Variants in TNS3 observed in about 807,000 individuals in gnomAD.
The protein encoded by TNS3 is tensin 3, also known as tensin-3.
TNS3 carries 45 observed loss-of-function variants against 140.9 expected under a neutral mutation model. The ratio of observed to expected loss-of-function variants is 0.32; its 90% CI spans 0.25 to 0.41. The LOEUF is 0.41. Ranked by LOEUF, TNS3 falls within the 10% of genes least tolerant of loss-of-function variation. TNS3 has a pLI of 1.00. For synonymous variants in TNS3, 815 were observed against 788.4 expected (o/e 1.03, Z -0.56); for missense variants, 1,716 against 1,906.7 (o/e 0.90, Z 1.86).
intron 20 of TNS3, among the ~76,000 whole-genome samples, chr7:47,333,972 A>T (rs1014608036): frequency 1.3e-5 from 2 of 152,206 alleles, no homozygotes; most frequent in African/African-American, 4.8e-5. Flanking sequence ...TCCAGAGGTT[A>T]TGCAAACTGT....
intron 9 of TNS3, among the ~76,000 whole-genome samples, chr7:47,424,648 G>A (rs1794554775): frequency 6.6e-6 from 1 of 152,122 alleles, no homozygotes; most frequent in African/African-American, 2.4e-5. Context: ...GCAACCCAGG[G>A]CAGGAGAGTC....
chr7:47,453,099 T>A, intron 4 of TNS3: 1 of 985,550 alleles, frequency 1.0e-6, no homozygotes, highest in African/African-American at 1.7e-5. Flanking sequence ...GCCCACCAGG[T>A]GGGAGAGCCT....
chr7:47,455,921 T>C (rs1796227338), intron 4 of TNS3, among the ~76,000 whole-genome samples: 1 of 152,102 alleles, frequency 6.6e-6, no homozygotes, highest in African/African-American at 2.4e-5. Context: ...GCACACTGCG[T>C]GTGGTGGGTG....
chr7:47,516,154 G>A (rs1479087795), intron 2 of TNS3, among the ~76,000 whole-genome samples: 1 of 152,226 alleles, frequency 6.6e-6, no homozygotes, highest in African/African-American at 2.4e-5. Flanking sequence ...ATTATTAGTA[G>A]AGAACACTAT....
At chr7:47,553,536 A>G (rs960420432) in intron 1 of TNS3, among the ~76,000 whole-genome samples, 1 of 152,218 alleles carries the variant, frequency 6.6e-6, no homozygotes, top group Non-Finnish European at 1.5e-5. Context: ...TGGATGACAG[A>G]ACTTCTGCAT....
At chr7:47,332,281 G>A (rs977767289) in intron 20 of TNS3, among the ~76,000 whole-genome samples, 1 of 152,254 alleles carries the variant, frequency 6.6e-6, no homozygotes, top group African/African-American at 2.4e-5. Flanking sequence ...AGGGCCTTCG[G>A]AGGAAAGTAA....
intron 17 of TNS3, among the ~76,000 whole-genome samples, chr7:47,365,424 G>GACA (rs1028068475): frequency 1.4e-5 from 2 of 146,378 alleles, no homozygotes; most frequent in African/African-American, 5.1e-5. Flanking sequence ...CAGCCTGGGC[G>GACA]ACAGAGCAAG....
chr7:47,432,213 C>A (rs1210809562), intron 8 of TNS3, among the ~76,000 whole-genome samples: 1 of 152,314 alleles, frequency 6.6e-6, no homozygotes, highest in South Asian at 2.1e-4. Context: ...TCATGAGGAA[C>A]CTTGCCTTCA....
intron 20 of TNS3, among the ~76,000 whole-genome samples, chr7:47,312,728 A>G (rs1787174222): frequency 7.8e-6 from 1 of 128,122 alleles, no homozygotes. Flanking sequence ...AAATAAAAAA[A>G]TAAAATGTCA....
intron 16 of TNS3, among the ~76,000 whole-genome samples, chr7:47,376,300 A>T (rs1008565951): frequency 2.6e-5 from 4 of 152,220 alleles, no homozygotes; most frequent in Non-Finnish European, 2.9e-5. Context: ...AGTGTGTGAG[A>T]AGAAAGGCAT....
chr7:47,439,744 A>T, intron 5 of TNS3, 86 bp from the exon 6 acceptor site: 1 of 1,420,180 alleles, frequency 7.0e-7, no homozygotes, highest in Non-Finnish European at 9.6e-7. Flanking sequence ...GACGACGGAC[A>T]CTCATCCCCT....
intron 13 of TNS3, among the ~76,000 whole-genome samples, chr7:47,405,835 T>C (rs1260540573): frequency 6.6e-6 from 1 of 152,154 alleles, no homozygotes; most frequent in African/African-American, 2.4e-5. Flanking sequence ...GAAAACTTCT[T>C]GAGCAGGCAA....
intron 3 of TNS3, among the ~76,000 whole-genome samples, chr7:47,488,211 A>G (rs1430991364): frequency 6.6e-6 from 1 of 152,224 alleles, no homozygotes; most frequent in East Asian, 1.9e-4. Flanking sequence ...TTATATTACC[A>G]TTATTATCAT....
chr7:47,577,089 A>G (rs1200902251), intron 1 of TNS3, among the ~76,000 whole-genome samples: 1 of 152,210 alleles, frequency 6.6e-6, no homozygotes, highest in Non-Finnish European at 1.5e-5. Context: ...AAAGGAGGTG[A>G]CACACTTTAG....
intron 1 of TNS3, among the ~76,000 whole-genome samples, chr7:47,573,293 T>C (rs1800600035): frequency 6.6e-6 from 1 of 152,206 alleles, no homozygotes; most frequent in South Asian, 2.1e-4. Flanking sequence ...TCTTCCCTTA[T>C]GGGCTGTGCT....
At chr7:47,466,801 T>C (rs546800413) in intron 4 of TNS3, among the ~76,000 whole-genome samples, 120 of 152,358 alleles carry the variant, frequency 7.9e-4, no homozygotes, top group African/African-American at 2.7e-3. Flanking sequence ...GGCACTATGT[T>C]AACCCTATCA....
intron 28 of TNS3, among the ~76,000 whole-genome samples, chr7:47,282,152 A>G (rs1032848058): frequency 3.4e-5 from 5 of 148,008 alleles, no homozygotes; most frequent in African/African-American, 1.3e-4. Flanking sequence ...ACCCTGAGTG[A>G]GCCATGTAGC....
intron 13 of TNS3, 73 bp from the exon 14 acceptor site, chr7:47,400,987 C>A (rs906601626): frequency 1.3e-6 from 2 of 1,589,222 alleles, no homozygotes; most frequent in Non-Finnish European, 1.7e-6. Flanking sequence ...GAACACACTC[C>A]GCGGAGGCCG....
At position 47,440,534 on chromosome 7, in the gene TNS3, G is replaced by T. The variant is rs145301506; in HGVS notation, c.-22-876C>A. The stretch of plus-strand genomic sequence containing the variant: ...GAAATGGTCATGTCATGGCCAGCAG[G>T]CTGAGGACTTGGGCAGGACTGGCAG... On this transcript the variant is annotated intron_variant, in intron 5 of 30. Transcript: ENST00000311160. Among the ~76,000 whole-genome samples the T allele has an allele frequency of 5.4e-4, 82 of 152,316 alleles. 3 individuals are homozygous for T. The East Asian group carries it at 0.014, about 26-fold the overall frequency.
Sources: allele counts gnomAD v4.1 joint callset (sites outside exome capture counted in the v4.1 genomes callset), GRCh38; gene constraint gnomAD v4.1.1; transcripts MANE v1.5; gene names NCBI Gene and HGNC (gene_info 2026-07-23, HGNC 2026-07-21).